The following EPOR variants were observed in gnomAD, a reference collection of about 807,000 sequenced individuals.
EPOR encodes erythropoietin receptor.
EPOR carries 20 observed loss-of-function variants against 34.3 expected under a neutral mutation model. The observed-to-expected ratio is 0.58, with a 90% CI of 0.41 to 0.85. The LOEUF (loss-of-function observed/expected upper bound fraction) is 0.85. Ranked by LOEUF, EPOR falls within the 40% of genes least tolerant of loss-of-function variation. EPOR has a pLI of 0.00. For missense variants in EPOR, 601 were observed against 672.7 expected (o/e 0.89, Z 1.18); for synonymous variants, 312 against 299.0 (o/e 1.04, Z -0.45).
Position 11,378,471 on chromosome 19 carries a change from G to C in EPOR, c.1040C>G (p.Pro347Arg), listed in dbSNP as rs141940285. Residue 347 changes from proline (P) to arginine (R), a missense_variant, in exon 8 of 8, where the codon CCG (proline) becomes CGG (arginine). By Grantham distance (103) the Pro-to-Arg change is moderately radical. Coordinates refer to ENST00000222139, the MANE Select transcript of EPOR (RefSeq NM_000121.4). This position sits in a 1 kb window ranked among gnomAD's most constrained non-coding sequence, Gnocchi z 5.3. Reference protein sequence around the residue: ...RCWGTMQAVEPGTDDEGPLLE... With the variant: ...RCWGTMQAVERGTDDEGPLLE... ...CAGGGGGCCCTCATCATCTGTCCCC[G>C]GCTCCACTGCCTGCATCGTCCCCCA... The C allele has an allele frequency of 1.9e-6, 3 of 1,614,156 alleles. No individual in the cohort carries two copies. The highest frequency in any genetic ancestry group is 2.5e-6 in the Non-Finnish European group (3 of 1,180,022).
chr19:11,382,831 C>T lies in EPOR; in HGVS notation c.251+266G>A, dbSNP rs1282284492. ...CCTCGAGAAGGCGTCCCAGCCCCGA[C>T]GTAGTAACGCCTTACCCTCGATTTG... On this transcript the variant is annotated intron_variant, in intron 2 of 7. Coordinates refer to ENST00000222139, the MANE Select transcript of EPOR (RefSeq NM_000121.4). The T allele has an allele frequency of 5.3e-5, 77 of 1,457,324 alleles. No homozygotes were observed. The East Asian group carries it at 7.8e-4, about 15-fold the overall frequency. The allele number at this position is 1,457,324 out of a possible 1,614,324, so 90.3% of individuals were successfully genotyped here. A position where few individuals can be genotyped will look rare whatever the true frequency, so the allele number is the denominator to read the frequency against.
intron 2 of EPOR, among the ~76,000 whole-genome samples, chr19:11,382,475 T>C (rs1968376160): frequency 6.6e-6 from 1 of 151,194 alleles, no homozygotes; most frequent in Non-Finnish European, 1.5e-5. Context: ...GCGATTCTCC[T>C]GCCTCAGCCT....
At chr19:11,384,063 C>T in intron 1 of EPOR, 30 bp downstream of exon 1, 1 of 1,403,596 alleles carries the variant, frequency 7.1e-7, no homozygotes. Context: ...CAGGCTCCAG[C>T]GTAGGGGTCC....
rs764671462 is a variant in EPOR at position 11,381,814 on chromosome 19, A to G, written c.463T>C (p.Leu155=). ...LDAPVGLVAR[L]ADESGHVVLR... Reference sequence around the variant, plus strand: ...ACTACGTGGCCGCTCTCGTCAGCCAACCGCGCCACCAGCCCCACGGGGGCG... The same window carrying G: ...ACTACGTGGCCGCTCTCGTCAGCCAGCCGCGCCACCAGCCCCACGGGGGCG... The change falls in exon 4 of 8, where the codon TTG becomes CTG. Residue 155 remains leucine, a synonymous_variant. Coordinates refer to ENST00000222139, the MANE Select transcript of EPOR (RefSeq NM_000121.4). This position sits in a 1 kb window ranked among gnomAD's most constrained non-coding sequence, Gnocchi z 5.3. The G allele has an allele frequency of 1.9e-5, 30 of 1,613,770 alleles. No individual in the cohort carries two copies. Among genetic ancestry groups the G allele is most frequent in the Middle Eastern group, 1.6e-4 (1 of 6,082 alleles).
rs1223713085 is a variant in EPOR, at chr19:11,380,875, G to T, written c.827+9C>A. On this transcript the variant is annotated intron_variant, in intron 6 of 7. Transcript: ENST00000222139. ...GAGTCTGGGCCCAGCGCCCAAATGG[G>T]GAGCTCACCGGCGGTGGGAGAGCAG... The T allele has an allele frequency of 1.3e-6, 2 of 1,550,528 alleles. No homozygotes were observed. The highest frequency in any genetic ancestry group is 2.7e-5 in the African/African-American group (2 of 73,042).
In EPOR at chr19:11,377,993, A is replaced by G. The variant is rs915694421; in HGVS notation, c.1518T>C (p.Ala506=). The change falls in exon 8 of 8, where the codon GCT becomes GCC. Residue 506 remains alanine, a synonymous_variant. Transcript: ENST00000222139. The part of the protein sequence containing the change: ...AAEPLPPSYV[A]CS ...TCTGCAGCCTGGTGTCCTAAGAGCAAGCCACATAGCTGGGGGGCAGAGGCT... is the reference window on the plus strand; with the variant it reads ...TCTGCAGCCTGGTGTCCTAAGAGCAGGCCACATAGCTGGGGGGCAGAGGCT... The G allele has an allele frequency of 9.3e-6, 15 of 1,614,092 alleles. No homozygotes were observed. The highest frequency in any genetic ancestry group is 1.2e-5 in the Non-Finnish European group (14 of 1,180,016).
Position 11,378,881 on chromosome 19 carries a change from G to T in EPOR, c.828-103C>A, listed in dbSNP as rs1022930601. On this transcript the variant is annotated intron_variant, in intron 6 of 7. Transcript: ENST00000222139. The surrounding 1 kb of genome is among the most constrained non-coding windows in gnomAD (Gnocchi z 5.3). Reference sequence around the variant, plus strand: ...AGAGGCACAGATACACTTGGTCCCTGTGATCACAATGGAGGCAGAGGAGTA... The same window carrying T: ...AGAGGCACAGATACACTTGGTCCCTTTGATCACAATGGAGGCAGAGGAGTA... 5.4e-5 allele frequency: 65 copies of T among 1,195,312 alleles called. No homozygotes were observed. The highest frequency in any genetic ancestry group is 6.9e-5 in the Non-Finnish European group (57 of 824,874). The allele number at this position is 1,195,312 out of a possible 1,614,324, so 74.0% of individuals were successfully genotyped here.
At chr19:11,379,919 G>A (rs760880147) in intron 6 of EPOR, among the ~76,000 whole-genome samples, 3 of 152,118 alleles carry the variant, frequency 2.0e-5, no homozygotes, top group East Asian at 1.9e-4. Context: ...CAGGCTGGTC[G>A]CGAACTCCCA....
chr19:11,381,663 G>GGGGGCTGGGCCGTA lies in EPOR; in HGVS notation c.585+15_585+28dup. ...GCTGGGCCGTAGTCAGTGGAGCTTT[G>GGGGGCTGGGCCGTA]GGGGCTGGGCCGTAGGGGCTGGCCT... On this transcript the variant is annotated intron_variant, in intron 4 of 7. Coordinates refer to ENST00000222139, the MANE Select transcript of EPOR (RefSeq NM_000121.4). The surrounding 1 kb of genome is among the most constrained non-coding windows in gnomAD (Gnocchi z 5.3). The GGGGGCTGGGCCGTA allele has an allele frequency of 6.3e-7, 1 of 1,580,796 alleles. No homozygotes were observed. The highest frequency in any genetic ancestry group is 8.6e-7 in the Non-Finnish European group (1 of 1,163,266).
In EPOR at chr19:11,381,546, G is replaced by A. The variant is rs1048974599; in HGVS notation, c.585+146C>T. 23 of 827,556 alleles carry A rather than the reference G, an allele frequency of 2.8e-5. No homozygotes were observed. Among genetic ancestry groups the A allele is most frequent in the Non-Finnish European group, 4.1e-5 (22 of 531,720 alleles). 51.3% of individuals were successfully genotyped at this position (827,556 alleles called of 1,614,324 possible). ...ATTAGGAAAGGGGGTGTGTCTGTGG[G>A]CGTGGAACGGTCTTCAGCACCAGGG... On this transcript the variant is annotated intron_variant, in intron 4 of 7. Transcript: ENST00000222139. This position sits in a 1 kb window ranked among gnomAD's most constrained non-coding sequence, Gnocchi z 5.3.
rs185740642 is a variant in EPOR at position 11,381,161 on chromosome 19, C to A, written c.634G>T (p.Gly212Cys). 7.6e-5 allele frequency: 118 copies of A among 1,554,538 alleles called. No homozygotes were observed. The East Asian group carries it at 2.8e-3, about 37-fold the overall frequency. Reference protein sequence around the residue: ...RTECVLSNLRGRTRYTFAVRA... With the variant: ...RTECVLSNLRCRTRYTFAVRA... Reference sequence around the variant, plus strand: ...ACGGCGAAGGTGTAGCGCGTCCGGCCCCGCAGGTTGCTCAGCACACACTCG... The same window carrying A: ...ACGGCGAAGGTGTAGCGCGTCCGGCACCGCAGGTTGCTCAGCACACACTCG... Residue 212 changes from glycine to cysteine, a missense_variant, in exon 5 of 8, where the codon GGC becomes TGC. Transcript: ENST00000222139. The surrounding 1 kb of genome is among the most constrained non-coding windows in gnomAD (Gnocchi z 5.3).
At position 11,381,305 on chromosome 19, in the gene EPOR, A is replaced by G; in HGVS notation, c.586-96T>C. The G allele has an allele frequency of 7.2e-7, 1 of 1,385,458 alleles. No homozygotes were observed. Among genetic ancestry groups the G allele is most frequent in the South Asian group, 1.2e-5 (1 of 80,702 alleles). The allele number at this position is 1,385,458 out of a possible 1,614,324, so 85.8% of individuals were successfully genotyped here. A position where few individuals can be genotyped will look rare whatever the true frequency, so the allele number is the denominator to read the frequency against. ...AACTGAGCCAATCAGGGGAAAGGAA[A>G]ACGGTGCCCTAGAATTGCAATGGGA... On this transcript the variant is annotated intron_variant, in intron 4 of 7. Transcript: ENST00000222139. This position sits in a 1 kb window ranked among gnomAD's most constrained non-coding sequence, Gnocchi z 5.3.
In EPOR at chr19:11,378,539, C is replaced by T. The variant is rs769474840; in HGVS notation, c.972G>A (p.Thr324=). The change falls in exon 8 of 8, where the codon ACG becomes ACA. Residue 324 remains threonine, a synonymous_variant. Transcript: ENST00000222139. This position sits in a 1 kb window ranked among gnomAD's most constrained non-coding sequence, Gnocchi z 5.3. ...CTTCCAGGGAAGCAGGTGGGTCCTC[C>T]GTGAAGGGGGTGCAGGGGCTCCACC... ...CLWWSPCTPF[T]EDPPASLEVL... 1.5e-5 allele frequency: 24 copies of T among 1,614,058 alleles called. No homozygotes were observed. Among genetic ancestry groups the T allele is most frequent in the Non-Finnish European group, 1.8e-5 (21 of 1,180,030 alleles).
chr19:11,380,773 A>G, intron 6 of EPOR, 111 bp downstream of exon 6: 1 of 853,884 alleles, frequency 1.2e-6, no homozygotes, highest in Non-Finnish European at 1.9e-6. Flanking sequence ...GTGAATCCTT[A>G]CTGCGTGACC....
rs751621912 is a variant in EPOR at position 11,382,079 on chromosome 19, A to G, written c.278T>C (p.Leu93Pro). ...LEDEPWKLCR[L>P]HQAPTARGAV... ...ACCACGAGCCGTGGGAGCCTGGTGC[A>G]GGCGACACAGCTTCCATGGCTCATC... The change falls in exon 3 of 8, where the codon CTG becomes CCG. Residue 93 changes from leucine (L) to proline (P), a missense_variant. Leu to Pro is a moderately conservative substitution (Grantham distance 98). Transcript: ENST00000222139. 6.2e-7 allele frequency: 1 copy of G among 1,613,978 alleles called. No homozygotes were observed. The highest frequency in any genetic ancestry group is 8.5e-7 in the Non-Finnish European group (1 of 1,179,926).
Position 11,381,114 on chromosome 19 carries a change from C to T in EPOR, c.681G>A (p.Pro227=). The T allele has an allele frequency of 5.7e-6, 9 of 1,589,196 alleles. No homozygotes were observed. Among genetic ancestry groups the T allele is most frequent in the Non-Finnish European group, 7.7e-6 (9 of 1,167,776 alleles). The change falls in exon 5 of 8, where the codon CCG becomes CCA. Residue 227 remains proline, a synonymous_variant. Coordinates refer to ENST00000222139, the MANE Select transcript of EPOR (RefSeq NM_000121.4). The surrounding 1 kb of genome is among the most constrained non-coding windows in gnomAD (Gnocchi z 5.3). ...AGGCGCTCCAGAAGCCGCCGAAGCT[C>T]GGCTCAGCCATACGCGCGCGGACGG... ...TFAVRARMAE[P]SFGGFWSAWS... is the part of the protein sequence containing the mutation.
At position 11,378,836 on chromosome 19, in the gene EPOR, C is replaced by G. The variant is rs1015859299; in HGVS notation, c.828-58G>C. The G allele has an allele frequency of 6.5e-5, 98 of 1,513,246 alleles. No individual in the cohort carries two copies. Among genetic ancestry groups the G allele is most frequent in the Non-Finnish European group, 8.5e-5 (93 of 1,093,770 alleles). 93.7% of individuals were successfully genotyped at this position (1,513,246 alleles called of 1,614,324 possible). A position where few individuals can be genotyped will look rare whatever the true frequency, so the allele number is the denominator to read the frequency against. ...ATGACTCATTGAATACTCACCAATTCCCCCTCCACTCCCAGTCATAGAGGC... is the reference window on the plus strand; with the variant it reads ...ATGACTCATTGAATACTCACCAATTGCCCCTCCACTCCCAGTCATAGAGGC... On this transcript the variant is annotated intron_variant, in intron 6 of 7. Coordinates refer to ENST00000222139, the MANE Select transcript of EPOR (RefSeq NM_000121.4). This position sits in a 1 kb window ranked among gnomAD's most constrained non-coding sequence, Gnocchi z 5.3.
Position 11,378,029 on chromosome 19 carries a change from G to A in EPOR, c.1482C>T (p.Ile494=), listed in dbSNP as rs748120978. 1.2e-6 allele frequency: 2 copies of A among 1,614,164 alleles called. No individual in the cohort carries two copies. The highest frequency in any genetic ancestry group is 1.1e-5 in the South Asian group (1 of 91,088). The change falls in exon 8 of 8, where the codon ATC becomes ATT. Residue 494 remains isoleucine (I), a synonymous_variant. Coordinates refer to ENST00000222139, the MANE Select transcript of EPOR (RefSeq NM_000121.4). The surrounding 1 kb of genome is among the most constrained non-coding windows in gnomAD (Gnocchi z 5.3). ...PYSNPYENSL[I]PAAEPLPPSY... is the part of the protein sequence containing the mutation. The stretch of plus-strand genomic sequence containing the variant: ...TGGGGGGCAGAGGCTCAGCGGCTGG[G>A]ATAAGGCTGTTCTCATAAGGGTTGG...
intron 6 of EPOR, among the ~76,000 whole-genome samples, chr19:11,380,642 G>A (rs919030701): frequency 3.3e-5 from 5 of 152,202 alleles, no homozygotes; most frequent in African/African-American, 9.7e-5. Flanking sequence ...AACTAACAAA[G>A]GGACCCAAGA....
Sources: allele counts gnomAD v4.1 joint callset (sites outside exome capture counted in the v4.1 genomes callset), GRCh38; gene constraint gnomAD v4.1.1; non-coding constraint Gnocchi (gnomAD v3.1); transcripts MANE v1.5; gene names NCBI Gene and HGNC (gene_info 2026-07-23, HGNC 2026-07-21).